Variants in NUAK1 observed in about 807,000 individuals in gnomAD.
The protein encoded by NUAK1 is NUAK family SNF1-like kinase 1.
NUAK1 carries 26 observed loss-of-function variants against 56.9 expected under a neutral mutation model. The observed-to-expected ratio is 0.46, with a 90% CI of 0.33 to 0.63. The LOEUF is 0.63. Among genes scored for constraint, NUAK1 ranks in the 30% least tolerant of loss-of-function variants. NUAK1 has a pLI of 0.02. For synonymous variants in NUAK1, 337 were observed against 336.0 expected (o/e 1.00, Z -0.03); for missense variants, 727 against 876.1 (o/e 0.83, Z 2.15).
chr12:106,108,449 T>C (rs1350862234), intron 1 of NUAK1, among the ~76,000 whole-genome samples: 1 of 152,182 alleles, frequency 6.6e-6, no homozygotes, highest in Non-Finnish European at 1.5e-5. Context: ...GACTCAGAGC[T>C]ACCCCAAGTC....
chr12:106,119,176 C>T (rs1187873011), intron 1 of NUAK1, among the ~76,000 whole-genome samples: 1 of 152,198 alleles, frequency 6.6e-6, no homozygotes, highest in Non-Finnish European at 1.5e-5. Flanking sequence ...TTTTAATTAT[C>T]CAAATATAGC....
rs910874979 is a variant in NUAK1, at chr12:106,138,936, A to C, written c.-283T>G. 19 of 319,722 alleles carry C rather than the reference A, an allele frequency of 5.9e-5. No homozygotes were observed. The highest frequency in any genetic ancestry group is 3.9e-4 in the African/African-American group (18 of 45,740). The allele number at this position is 319,722 out of a possible 1,614,324, so 19.8% of individuals were successfully genotyped here. On this transcript the variant is annotated 5_prime_UTR_variant, in exon 1 of 7. Transcript: ENST00000261402. This position sits in a 1 kb window ranked among gnomAD's most constrained non-coding sequence, Gnocchi z 5.0. ...TGGCAGGGGAGGCGGTGGTGTTTGC[A>C]GGAGGGAGGGGAGAGGGTGGCTCGC...
intron 1 of NUAK1, among the ~76,000 whole-genome samples, chr12:106,131,310 C>T (rs2033077201): frequency 6.6e-6 from 1 of 152,136 alleles, no homozygotes; most frequent in Non-Finnish European, 1.5e-5. Context: ...TTCAGCACCC[C>T]CCAGAAAACT....
chr12:106,103,333 A>T (rs1031843358), intron 2 of NUAK1: 14 of 152,208 alleles, frequency 9.2e-5, no homozygotes, highest in Admixed American at 2.6e-4. Context: ...CCCAAAACAC[A>T]ATAGTGTTCT....
At chr12:106,101,202 C>G (rs1169364020) in intron 2 of NUAK1, among the ~76,000 whole-genome samples, 1 of 152,140 alleles carries the variant, frequency 6.6e-6, no homozygotes, top group Non-Finnish European at 1.5e-5. Flanking sequence ...AAAGGCCAGG[C>G]TGAGGTGGCC....
At chr12:106,122,311 T>G (rs771245599) in intron 1 of NUAK1, among the ~76,000 whole-genome samples, 2 of 152,214 alleles carry the variant, frequency 1.3e-5, no homozygotes, top group Admixed American at 1.3e-4. Context: ...CCAGTGGCCA[T>G]GAGCGGCAGT....
chr12:106,117,887 CT>C (rs2032933915), intron 1 of NUAK1, among the ~76,000 whole-genome samples: 1 of 152,220 alleles, frequency 6.6e-6, no homozygotes, highest in Non-Finnish European at 1.5e-5. Context: ...CTGTGTTCCC[CT>C]CTGTGTCCTC....
Position 106,064,798 on chromosome 12 carries a change from C to CA in NUAK1, c.*2003_*2004insT, listed in dbSNP as rs1389884938. 2.7e-5 allele frequency: 4 copies of CA among 147,276 alleles called. No homozygotes were observed. Among genetic ancestry groups the CA allele is most frequent in the East Asian group, 4.2e-4 (2 of 4,738 alleles). 9.1% of individuals were successfully genotyped at this position (147,276 alleles called of 1,614,324 possible). ...CTCCATGCACCCACACCCCCACCCC[C>CA]CCCCACACACACAATTTGCTATCTA... is the stretch of plus-strand genomic sequence containing the variant. On this transcript the variant is annotated 3_prime_UTR_variant, in exon 7 of 7. Coordinates refer to ENST00000261402, the MANE Select transcript of NUAK1 (RefSeq NM_014840.3).
intron 1 of NUAK1, among the ~76,000 whole-genome samples, chr12:106,123,576 C>A (rs2032998538): frequency 6.6e-6 from 1 of 152,212 alleles, no homozygotes; most frequent in Non-Finnish European, 1.5e-5. Context: ...GAAGACAGAG[C>A]ACCATGTGCT....
chr12:106,072,821 T>C lies in NUAK1; in HGVS notation c.602A>G (p.Asn201Ser), dbSNP rs1388269375. 5 of 1,613,914 alleles carry C rather than the reference T, an allele frequency of 3.1e-6. No homozygotes were observed. Among genetic ancestry groups the C allele is most frequent in the Non-Finnish European group, 4.2e-6 (5 of 1,179,954 alleles). The change falls in exon 5 of 7, where the codon AAC becomes AGC. Residue 201 changes from asparagine to serine, a missense_variant. Asn to Ser is a conservative substitution (Grantham distance 46). Transcript: ENST00000261402. ...NIKIADFGLSNLYQKDKFLQT... is the reference protein window; with the variant it reads ...NIKIADFGLSSLYQKDKFLQT... Reference sequence around the variant, plus strand: ...TAAGAACTTATCCTTCTGGTACAGGTTGGAAAGCCCAAAGTCAGCAATCTA... The same window carrying C: ...TAAGAACTTATCCTTCTGGTACAGGCTGGAAAGCCCAAAGTCAGCAATCTA...
chr12:106,113,287 C>T (rs2032883428), intron 1 of NUAK1, among the ~76,000 whole-genome samples: 1 of 152,104 alleles, frequency 6.6e-6, no homozygotes, highest in Non-Finnish European at 1.5e-5. Context: ...CAGGCAAGAA[C>T]CAAAGAAATA....
chr12:106,075,811 G>A (rs1046520051), intron 4 of NUAK1, among the ~76,000 whole-genome samples: 14 of 152,232 alleles, frequency 9.2e-5, no homozygotes, highest in African/African-American at 2.9e-4. Flanking sequence ...TCTCAGTTGG[G>A]CACTGGTGTG....
Position 106,138,821 on chromosome 12 carries a change from G to A in NUAK1, c.-168C>T, listed in dbSNP as rs1223863084. ...CGGCTCGGTCACTGGCGGCGGCGGG[G>A]ACTGCACATCTGGCGCCCGCGGCGC... On this transcript the variant is annotated 5_prime_UTR_variant, in exon 1 of 7. Transcript: ENST00000261402. This position sits in a 1 kb window ranked among gnomAD's most constrained non-coding sequence, Gnocchi z 5.0. The A allele has an allele frequency of 2.1e-6, 2 of 951,496 alleles. No homozygotes were observed. The highest frequency in any genetic ancestry group is 1.4e-6 in the Non-Finnish European group (1 of 704,328). 58.9% of individuals were successfully genotyped at this position (951,496 alleles called of 1,614,324 possible).
At chr12:106,098,088 G>A (rs958246497) in intron 2 of NUAK1, among the ~76,000 whole-genome samples, 7 of 152,174 alleles carry the variant, frequency 4.6e-5, no homozygotes, top group African/African-American at 1.2e-4. Context: ...CACAGCCCCT[G>A]TCTCTTGATT....
chr12:106,121,766 G>C (rs56103745), intron 1 of NUAK1, among the ~76,000 whole-genome samples: 1 of 151,896 alleles, frequency 6.6e-6, no homozygotes, highest in African/African-American at 2.4e-5. Context: ...AAAAAAGGTG[G>C]GGGGGTGTGG....
At chr12:106,076,948 A>G (rs1388871502) in intron 4 of NUAK1, among the ~76,000 whole-genome samples, 2 of 152,198 alleles carry the variant, frequency 1.3e-5, no homozygotes, top group Middle Eastern at 3.2e-3. Flanking sequence ...ACACAACAAT[A>G]TGAGTATACT....
chr12:106,083,979 A>T, intron 3 of NUAK1, 50 bp from the exon 4 acceptor site: 1 of 1,477,492 alleles, frequency 6.8e-7, no homozygotes, highest in Non-Finnish European at 9.5e-7. Context: ...CTGGGATGAG[A>T]ACAAGAGAGA....
In NUAK1 at chr12:106,087,383, C is replaced by A. The variant is rs566674159; in HGVS notation, c.362-498G>T. 7.2e-5 allele frequency among the ~76,000 whole-genome samples: 11 copies of A among 152,308 alleles called. No homozygotes were observed. The South Asian group carries it at 2.3e-3, about 32-fold the overall frequency. ...AAGCTTTTAATGTGGCCCACCAAGT[C>A]GTGCACGATCCCATGGGCCCCTCTC... On this transcript the variant is annotated intron_variant, in intron 2 of 6. Coordinates refer to ENST00000261402, the MANE Select transcript of NUAK1 (RefSeq NM_014840.3).
chr12:106,099,680 G>A (rs992291521), intron 2 of NUAK1, among the ~76,000 whole-genome samples: 5 of 152,046 alleles, frequency 3.3e-5, no homozygotes, highest in Non-Finnish European at 4.4e-5. Context: ...ATAAAATAGG[G>A]ATCTTAACAT....
Sources: allele counts gnomAD v4.1 joint callset (sites outside exome capture counted in the v4.1 genomes callset), GRCh38; gene constraint gnomAD v4.1.1; non-coding constraint Gnocchi (gnomAD v3.1); transcripts MANE v1.5; gene names NCBI Gene and HGNC (gene_info 2026-07-23, HGNC 2026-07-21).